CCDC171: variants seen among roughly 807,000 people sequenced by gnomAD.
CCDC171 encodes the protein coiled-coil domain containing 171.
A neutral mutation model predicts 168.2 loss-of-function variants in CCDC171; 177 were observed. That is an observed-to-expected ratio of 1.05 (90% CI 0.93 to 1.19). The LOEUF (loss-of-function observed/expected upper bound fraction) is 1.19. Among genes scored for constraint, CCDC171 ranks in the 50% most tolerant of loss-of-function variants. The probability of loss-of-function intolerance (pLI) is 0.00; values close to 1 mark genes in which losing one functional copy is unlikely to be tolerated. For missense variants in CCDC171, 1,991 were observed against 1,539.0 expected, an observed-to-expected ratio of 1.29 and a Z score of -4.91; for synonymous variants, 687 against 540.8, an observed-to-expected ratio of 1.27 and a Z score of -3.75.
At chr9:15,566,948 C>T (rs1437710879) in intron 2 of CCDC171, among the ~76,000 whole-genome samples, 4 of 151,676 alleles carry the variant, frequency 2.6e-5, no homozygotes, top group African/African-American at 9.7e-5. Flanking sequence ...TGCCTTGATA[C>T]TTCTGTTGAA....
intron 6 of CCDC171, among the ~76,000 whole-genome samples, chr9:16,031,575 C>T (rs926000226): frequency 6.6e-6 from 1 of 152,202 alleles, no homozygotes; most frequent in Non-Finnish European, 1.5e-5. Flanking sequence ...GGGAGCTGCT[C>T]CCTCAATTGG....
At chr9:15,982,422 CAG>C (rs1371879850) in intron 3 of CCDC171, among the ~76,000 whole-genome samples, 3 of 152,126 alleles carry the variant, frequency 2.0e-5, no homozygotes, top group African/African-American at 7.2e-5. Flanking sequence ...CATTACGTGA[CAG>C]AGTATTTAGC....
At chr9:15,946,057 A>G (rs35810504) in intron 25 of CCDC171, among the ~76,000 whole-genome samples, 1,089 of 151,842 alleles carry the variant, frequency 7.2e-3, no homozygotes, top group African/African-American at 0.025. Flanking sequence ...TGATTTTAGT[A>G]TAAGGTGTAA....
intron 3 of CCDC171, among the ~76,000 whole-genome samples, chr9:15,577,977 C>T (rs985684791): frequency 6.6e-5 from 10 of 152,296 alleles, no homozygotes; most frequent in African/African-American, 2.2e-4. Flanking sequence ...TTCTGTCATG[C>T]TACTTTGGAA....
At chr9:15,598,778 G>C (rs1030947614) in intron 6 of CCDC171, among the ~76,000 whole-genome samples, 3 of 152,238 alleles carry the variant, frequency 2.0e-5, no homozygotes, top group South Asian at 4.1e-4. Flanking sequence ...TATTGTGTGG[G>C]AGTCTAAGTC....
intron 9 of CCDC171, among the ~76,000 whole-genome samples, chr9:15,667,638 T>G (rs1017082445): frequency 6.6e-6 from 1 of 152,014 alleles, no homozygotes. Flanking sequence ...AGAGGGAGAC[T>G]GCATCTCAAA....
At chr9:15,897,493 T>G (rs1203010909) in intron 24 of CCDC171, among the ~76,000 whole-genome samples, 1 of 152,134 alleles carries the variant, frequency 6.6e-6, no homozygotes, top group African/African-American at 2.4e-5. Flanking sequence ...ATTGAACAAC[T>G]ACAGAATGAA....
the CCDC171 span, among the ~76,000 whole-genome samples, chr9:16,069,064 G>A: frequency 6.6e-6 from 1 of 152,206 alleles, no homozygotes; most frequent in South Asian, 2.1e-4. Context: ...AGGTCTTCAA[G>A]CACATGAGGT....
chr9:15,581,045 C>T (rs1227803076), intron 4 of CCDC171, among the ~76,000 whole-genome samples: 1 of 152,064 alleles, frequency 6.6e-6, no homozygotes, highest in African/African-American at 2.4e-5. Flanking sequence ...TCATCTCAGC[C>T]CAAAATCTCC....
In CCDC171 at chr9:15,749,989, G is replaced by A. The variant is rs1282571571; in HGVS notation, c.2671+4358G>A. 4.7e-5 allele frequency among the ~76,000 whole-genome samples: 7 copies of A among 148,470 alleles called. 1 individual carries two copies. Among genetic ancestry groups the A allele is most frequent in the African/African-American group, 1.7e-4 (7 of 40,570 alleles). ...CTATGATCAGAGCAGAACTGAAGGA[G>A]ATAGAGACACAAAAAAACCCTTTAA... On this transcript the variant is annotated intron_variant, in intron 18 of 25. Coordinates refer to ENST00000380701, the MANE Select transcript of CCDC171 (RefSeq NM_173550.4).
In CCDC171 at chr9:15,846,200, ATATATT is replaced by A. The variant is rs2060886237; in HGVS notation, c.3268-497_3268-492del. Among the ~76,000 whole-genome samples, 7 of 152,224 alleles carry A rather than the reference ATATATT, an allele frequency of 4.6e-5. No individual in the cohort carries two copies. The South Asian group carries it at 1.2e-3, about 27-fold the overall frequency. On this transcript the variant is annotated intron_variant, in intron 21 of 25. Transcript: ENST00000380701. ...CTGAAATGTCTATAGCCACCTAACT[ATATATT>A]TATAAAGACAGTAGTGGTACTCTTT...
chr9:15,957,843 G>T (rs1829956908), intron 25 of CCDC171, among the ~76,000 whole-genome samples: 1 of 152,070 alleles, frequency 6.6e-6, no homozygotes, highest in South Asian at 2.1e-4. Context: ...TTTGTCATAG[G>T]CTTCTTTCTT....
intron 23 of CCDC171, among the ~76,000 whole-genome samples, chr9:15,855,082 TG>T (rs917220567): frequency 3.2e-4 from 48 of 151,820 alleles, no homozygotes; most frequent in African/African-American, 1.2e-3. Flanking sequence ...TATGTATGTC[TG>T]TTATGTCTAG....
At chr9:15,682,296 G>A (rs1006802298) in intron 10 of CCDC171, among the ~76,000 whole-genome samples, 88 of 151,970 alleles carry the variant, frequency 5.8e-4, no homozygotes, top group African/African-American at 2.0e-3. Flanking sequence ...TCTAGCCCAG[G>A]ATACAGAAAG....
At chr9:15,810,833 C>T (rs1194461830) in intron 21 of CCDC171, among the ~76,000 whole-genome samples, 1 of 152,206 alleles carries the variant, frequency 6.6e-6, no homozygotes, top group Non-Finnish European at 1.5e-5. Context: ...CATGGGCCGG[C>T]CCAGAGAGGG....
At chr9:16,108,067 T>A in the CCDC171 span, among the ~76,000 whole-genome samples, 1 of 152,204 alleles carries the variant, frequency 6.6e-6, no homozygotes, top group Admixed American at 6.5e-5. Context: ...TAAACTTCAG[T>A]CGCAAAGTAT....
intron 11 of CCDC171, among the ~76,000 whole-genome samples, chr9:15,699,768 A>G (rs903066359): frequency 6.6e-6 from 1 of 152,078 alleles, no homozygotes; most frequent in African/African-American, 2.4e-5. Flanking sequence ...TCCCTGAGCT[A>G]GACATAAAGG....
intron 14 of CCDC171, 121 bp from the exon 15 acceptor site, chr9:15,727,748 A>G: frequency 1.6e-6 from 1 of 641,484 alleles, no homozygotes; most frequent in Middle Eastern, 4.3e-4. Flanking sequence ...ATATTCTGAG[A>G]CTTGAGTATT....
At chr9:16,068,692 G>A in the CCDC171 span, among the ~76,000 whole-genome samples, 1 of 151,776 alleles carries the variant, frequency 6.6e-6, no homozygotes, top group Non-Finnish European at 1.5e-5. Flanking sequence ...TGCCTGGCAC[G>A]CAGTCAACAT....
Sources: gnomAD v4.1 joint callset for allele counts (sites outside exome capture counted in the v4.1 genomes callset) on GRCh38, gnomAD v4.1.1 for gene constraint, MANE v1.5 for transcripts, NCBI Gene and HGNC (gene_info 2026-07-23, HGNC 2026-07-21) for gene names.